The following KIF5C variants were observed in gnomAD, a reference collection of about 807,000 sequenced individuals.
KIF5C encodes the protein kinesin family member 5C.
KIF5C carries 18 observed loss-of-function variants against 125.2 expected under a neutral mutation model. The ratio of observed to expected loss-of-function variants is 0.14; its 90% confidence interval spans 0.10 to 0.21. The LOEUF (loss-of-function observed/expected upper bound fraction) is 0.21, where lower values mean the gene tolerates loss of function less well. KIF5C is among the 10% of genes least tolerant of loss of function. The pLI, the probability that KIF5C is intolerant of heterozygous loss-of-function variation, is 1.00. For synonymous variants in KIF5C, 405 were observed against 434.0 expected (o/e 0.93, Z 0.83); for missense variants, 780 against 1,183.8 (o/e 0.66, Z 5.01).
At chr2:148,914,544 C>T (rs572730906) in intron 1 of KIF5C, among the ~76,000 whole-genome samples, 4 of 152,372 alleles carry the variant, frequency 2.6e-5, no homozygotes, top group South Asian at 2.1e-4. Context: ...GCCTGGTTTC[C>T]CGCAGGAAGG....
intron 1 of KIF5C, among the ~76,000 whole-genome samples, chr2:148,918,804 G>A (rs1017623337): frequency 5.3e-5 from 8 of 152,204 alleles, no homozygotes; most frequent in African/African-American, 1.9e-4. Context: ...GTTTTAGGAA[G>A]CTCATTTTAG....
chr2:149,021,696 A>G (rs2105215832), intron 25 of KIF5C, among the ~76,000 whole-genome samples: 1 of 151,230 alleles, frequency 6.6e-6, no homozygotes, highest in African/African-American at 2.4e-5. Flanking sequence ...ATAATGCATA[A>G]TGTGTCAGGT....
At chr2:148,981,121 A>C (rs756831873) in intron 13 of KIF5C, among the ~76,000 whole-genome samples, 1 of 152,080 alleles carries the variant, frequency 6.6e-6, no homozygotes, top group Non-Finnish European at 1.5e-5. Flanking sequence ...ACAACAACAA[A>C]ACATACAAAA....
intron 25 of KIF5C, among the ~76,000 whole-genome samples, chr2:149,013,999 C>T (rs1682287448): frequency 1.3e-5 from 2 of 152,120 alleles, no homozygotes; most frequent in African/African-American, 4.8e-5. Flanking sequence ...TATACATGTG[C>T]CATGATGGTT....
At chr2:148,877,874 A>C (rs1279091268) in intron 1 of KIF5C, 1 of 152,178 alleles carries the variant, frequency 6.6e-6, no homozygotes, top group Non-Finnish European at 1.5e-5. Flanking sequence ...TCCTTCTTTA[A>C]TATGACATTG....
chr2:148,982,150 C>G (rs1379580557), intron 14 of KIF5C, among the ~76,000 whole-genome samples: 1 of 152,192 alleles, frequency 6.6e-6, no homozygotes, highest in Non-Finnish European at 1.5e-5. Flanking sequence ...AGCTTTTTGT[C>G]CTAGCTGTTA....
At chr2:148,880,507 G>A (rs1457455988) in intron 1 of KIF5C, among the ~76,000 whole-genome samples, 1 of 152,134 alleles carries the variant, frequency 6.6e-6, no homozygotes, top group East Asian at 1.9e-4. Context: ...TATTTCTCTT[G>A]GGTAAATATC....
intron 4 of KIF5C, among the ~76,000 whole-genome samples, chr2:148,940,023 A>G (rs1271012965): frequency 1.3e-5 from 2 of 152,218 alleles, no homozygotes; most frequent in East Asian, 3.8e-4. Flanking sequence ...GCCAGTATCT[A>G]GTTTGTGACT....
chr2:148,924,021 C>T lies in KIF5C; in HGVS notation c.217+1794C>T, dbSNP rs1276212240. 3.3e-5 allele frequency among the ~76,000 whole-genome samples: 5 copies of T among 152,322 alleles called. No homozygotes were observed. The highest frequency in any genetic ancestry group is 6.8e-3 in the Middle Eastern group (2 of 294). On this transcript the variant is annotated intron_variant, in intron 2 of 25. Transcript: ENST00000435030. The surrounding 1 kb of genome is among the most constrained non-coding windows in gnomAD (Gnocchi z 4.0). ...GCGCTGACATGATATGACTAACAGA[C>T]ATTTCTAGGGTACCATAAATATGTA...
intron 1 of KIF5C, among the ~76,000 whole-genome samples, chr2:148,896,560 G>A (rs893079984): frequency 3.9e-5 from 6 of 152,190 alleles, no homozygotes; most frequent in African/African-American, 9.7e-5. Flanking sequence ...AATCCCAGGC[G>A]AATGTTTTGG....
At chr2:149,012,284 A>G (rs1396225865) in intron 25 of KIF5C, among the ~76,000 whole-genome samples, 1 of 152,232 alleles carries the variant, frequency 6.6e-6, no homozygotes, top group Admixed American at 6.5e-5. Flanking sequence ...TATTCTTTCC[A>G]AAAGAGAAGA....
intron 17 of KIF5C, among the ~76,000 whole-genome samples, chr2:148,996,464 T>TG (rs1681676824): frequency 6.6e-6 from 1 of 152,210 alleles, no homozygotes. Flanking sequence ...CGGTGGTTCC[T>TG]GCAGTGGGGC....
At position 149,025,890 on chromosome 2, in the gene KIF5C, CA is replaced by C. The variant is rs1306229686; in HGVS notation, c.*2821del. On this transcript the variant is annotated 3_prime_UTR_variant, in exon 26 of 26. Transcript: ENST00000435030. ...CTTTTGTTAAACAGCAGGTAGTAGACAGAACAATAACAGTTTCGCGTTAAGA... is the reference window on the plus strand; with the variant it reads ...CTTTTGTTAAACAGCAGGTAGTAGACGAACAATAACAGTTTCGCGTTAAGA... 2 of 152,542 alleles carry C rather than the reference CA, an allele frequency of 1.3e-5. No homozygotes were observed. The highest frequency in any genetic ancestry group is 2.9e-5 in the Non-Finnish European group (2 of 68,018). 9.4% of individuals were successfully genotyped at this position (152,542 alleles called of 1,614,324 possible). A position where few individuals can be genotyped will look rare whatever the true frequency, so the allele number is the denominator to read the frequency against.
Position 148,875,336 on chromosome 2 carries a change from G to A in KIF5C, c.-282G>A. On this transcript the variant is annotated 5_prime_UTR_variant, in exon 1 of 26. Transcript: ENST00000435030. ...CGCCTCCTCCGCCCGCCGCGTGGTCGCGGGCAGGTGGGCCGGGGGGCGCTG... is the reference window on the plus strand; with the variant it reads ...CGCCTCCTCCGCCCGCCGCGTGGTCACGGGCAGGTGGGCCGGGGGGCGCTG... 3.1e-6 allele frequency: 1 copy of A among 321,652 alleles called. No homozygotes were observed. 19.9% of individuals were successfully genotyped at this position (321,652 alleles called of 1,614,324 possible). A position where few individuals can be genotyped will look rare whatever the true frequency, so the allele number is the denominator to read the frequency against.
Position 149,026,593 on chromosome 2 carries a change from C to A in KIF5C, c.*3523C>A, listed in dbSNP as rs1276807617. The stretch of plus-strand genomic sequence containing the variant: ...GGTTTATATCAATAACGATGCTGTA[C>A]TATAGTCCATGTAACAAAAGATCTG... On this transcript the variant is annotated 3_prime_UTR_variant, in exon 26 of 26. Coordinates refer to ENST00000435030, the MANE Select transcript of KIF5C (RefSeq NM_004522.3). 6 of 152,554 alleles carry A rather than the reference C, an allele frequency of 3.9e-5. No individual in the cohort carries two copies. The highest frequency in any genetic ancestry group is 3.9e-4 in the Admixed American group (6 of 15,260). The allele number at this position is 152,554 out of a possible 1,614,324, so 9.5% of individuals were successfully genotyped here. A position where few individuals can be genotyped will look rare whatever the true frequency, so the allele number is the denominator to read the frequency against.
At chr2:149,000,189 A>G in intron 19 of KIF5C, 2 of 422,380 alleles carry the variant, frequency 4.7e-6, no homozygotes, top group South Asian at 8.2e-5. Context: ...CAAGCAAACT[A>G]TAAATACATC....
intron 21 of KIF5C, among the ~76,000 whole-genome samples, chr2:149,004,684 C>CTAG (rs1184254419): frequency 6.6e-6 from 1 of 152,138 alleles, no homozygotes; most frequent in Non-Finnish European, 1.5e-5. Flanking sequence ...TAAATTCATA[C>CTAG]TAGTCATCTT....
intron 1 of KIF5C, among the ~76,000 whole-genome samples, chr2:148,911,388 G>A (rs909351550): frequency 6.6e-6 from 1 of 152,190 alleles, no homozygotes; most frequent in Non-Finnish European, 1.5e-5. Flanking sequence ...GTTTCCACAA[G>A]GCCGGGCTGG....
At chr2:148,896,114 G>C (rs1574699201) in intron 1 of KIF5C, among the ~76,000 whole-genome samples, 1 of 152,288 alleles carries the variant, frequency 6.6e-6, no homozygotes, top group East Asian at 1.9e-4. Context: ...GCCATTATAT[G>C]CTGCAAGGGG....
Sources: gnomAD v4.1 joint callset for allele counts (sites outside exome capture counted in the v4.1 genomes callset) on GRCh38, gnomAD v4.1.1 for gene constraint, Gnocchi (gnomAD v3.1) non-coding constraint, MANE v1.5 for transcripts, NCBI Gene and HGNC (gene_info 2026-07-23, HGNC 2026-07-21) for gene names.